The following SNTG1 variants were observed in gnomAD, a reference collection of about 807,000 sequenced individuals.
The protein encoded by SNTG1 is syntrophin gamma 1.
SNTG1 carries 39 observed loss-of-function variants against 74.7 expected under a neutral mutation model. The observed-to-expected ratio is 0.52, with a 90% CI of 0.40 to 0.68. SNTG1 has a LOEUF of 0.68. Among genes scored for constraint, SNTG1 ranks in the 30% least tolerant of loss-of-function variants. SNTG1 has a pLI of 0.00. For synonymous variants in SNTG1, 254 were observed against 217.1 expected, an observed-to-expected ratio of 1.17 and a Z score of -1.49; for missense variants, 685 against 609.5, an observed-to-expected ratio of 1.12 and a Z score of -1.30.
chr8:50,613,125 A>G (rs2094862579), intron 13 of SNTG1, among the ~76,000 whole-genome samples: 1 of 152,170 alleles, frequency 6.6e-6, no homozygotes, highest in Admixed American at 6.5e-5. Context: ...TAATAGAAAC[A>G]TTGCAAAGTT....
At chr8:49,959,093 T>G (rs576541817) in intron 1 of SNTG1, among the ~76,000 whole-genome samples, 12 of 152,320 alleles carry the variant, frequency 7.9e-5, no homozygotes, top group African/African-American at 2.9e-4. Context: ...TCTCAACTAC[T>G]CAAAATAAGT....
intron 4 of SNTG1, among the ~76,000 whole-genome samples, chr8:50,433,831 C>T (rs895916448): frequency 6.6e-6 from 1 of 152,132 alleles, no homozygotes; most frequent in African/African-American, 2.4e-5. Context: ...GGGCATAGTT[C>T]TCTTCAATAA....
At chr8:50,020,063 T>C (rs1816684115) in intron 1 of SNTG1, among the ~76,000 whole-genome samples, 1 of 152,148 alleles carries the variant, frequency 6.6e-6, no homozygotes, top group South Asian at 2.1e-4. Context: ...GAGCCTTTTG[T>C]GCCACTATAC....
At chr8:50,601,922 A>G (rs1049255195) in intron 13 of SNTG1, among the ~76,000 whole-genome samples, 1 of 152,094 alleles carries the variant, frequency 6.6e-6, no homozygotes, top group African/African-American at 2.4e-5. Context: ...TTTGTCTGGT[A>G]TAAGTATAGC....
Position 49,996,343 on chromosome 8 carries a change from T to TA in SNTG1, c.-103+84118dup, listed in dbSNP as rs558233434. Among the ~76,000 whole-genome samples the TA allele has an allele frequency of 5.3e-4, 80 of 151,556 alleles. 1 individual carries two copies. In the South Asian group the frequency reaches 8.7e-3, roughly 17 times the overall value. ...TTATTATTCAATAAGTGTATCAAGG[T>TA]AAAAAATTAAAGAAGAAACAGTAAG... On this transcript the variant is annotated intron_variant, in intron 1 of 18. Coordinates refer to ENST00000642720, the MANE Select transcript of SNTG1 (RefSeq NM_018967.5).
chr8:50,182,521 ATTTTAT>A (rs1275383096), intron 2 of SNTG1, among the ~76,000 whole-genome samples: 1 of 152,188 alleles, frequency 6.6e-6, no homozygotes, highest in African/African-American at 2.4e-5. Context: ...AATAAAATAT[ATTTTAT>A]GTTTATGAGT....
chr8:50,069,183 G>C (rs767359705), intron 1 of SNTG1, among the ~76,000 whole-genome samples: 2 of 152,176 alleles, frequency 1.3e-5, no homozygotes, highest in Non-Finnish European at 2.9e-5. Context: ...GGGAAATGAA[G>C]TTTGGGCTAC....
At chr8:50,421,640 C>A (rs906325838) in intron 4 of SNTG1, among the ~76,000 whole-genome samples, 4 of 152,086 alleles carry the variant, frequency 2.6e-5, no homozygotes, top group Admixed American at 1.3e-4. Context: ...TTTACCCAAC[C>A]CTTTTTCAAG....
At chr8:50,177,514 T>C (rs1164955312) in intron 2 of SNTG1, among the ~76,000 whole-genome samples, 2 of 152,136 alleles carry the variant, frequency 1.3e-5, no homozygotes, top group African/African-American at 4.8e-5. Flanking sequence ...AGCTGTACAG[T>C]GTCTGCTCCA....
intron 1 of SNTG1, among the ~76,000 whole-genome samples, chr8:50,141,451 A>C (rs762362858): frequency 6.6e-6 from 1 of 152,216 alleles, no homozygotes; most frequent in Admixed American, 6.5e-5. Context: ...AATGATTAAT[A>C]AACAAAAATT....
chr8:50,389,996 T>C (rs1343448443), intron 2 of SNTG1, among the ~76,000 whole-genome samples: 2 of 152,198 alleles, frequency 1.3e-5, no homozygotes, highest in Non-Finnish European at 2.9e-5. Context: ...CTTTGTCAGA[T>C]GAGTAGATTG....
intron 12 of SNTG1, among the ~76,000 whole-genome samples, chr8:50,588,248 G>A (rs1243887034): frequency 6.6e-6 from 1 of 152,066 alleles, no homozygotes; most frequent in African/African-American, 2.4e-5. Flanking sequence ...ACTTGGTACA[G>A]GAAAGATGGA....
At chr8:49,924,397 A>G (rs1043425686) in intron 1 of SNTG1, among the ~76,000 whole-genome samples, 1 of 152,242 alleles carries the variant, frequency 6.6e-6, no homozygotes, top group Non-Finnish European at 1.5e-5. Context: ...GCAAATACAG[A>G]TAATAACCCA....
chr8:50,610,648 T>G (rs1484048418), intron 13 of SNTG1, among the ~76,000 whole-genome samples: 1 of 152,168 alleles, frequency 6.6e-6, no homozygotes, highest in Non-Finnish European at 1.5e-5. Flanking sequence ...TCACTCCTAT[T>G]TGATTCCATG....
intron 13 of SNTG1, among the ~76,000 whole-genome samples, chr8:50,652,349 A>G (rs1043733720): frequency 1.3e-5 from 2 of 152,170 alleles, no homozygotes; most frequent in Non-Finnish European, 2.9e-5. Context: ...AGCAGATTGT[A>G]TTAATTGAAT....
intron 2 of SNTG1, among the ~76,000 whole-genome samples, chr8:50,249,857 A>G (rs1008933796): frequency 6.6e-6 from 1 of 152,198 alleles, no homozygotes; most frequent in African/African-American, 2.4e-5. Flanking sequence ...TAAATTGGAA[A>G]AAGAAATTGT....
chr8:50,779,189 C>G (rs2095650637), intron 18 of SNTG1, among the ~76,000 whole-genome samples: 1 of 152,096 alleles, frequency 6.6e-6, no homozygotes, highest in South Asian at 2.1e-4. Context: ...AATGCGAGCT[C>G]TTTTTTGGTT....
At chr8:50,217,294 C>T (rs1266152733) in intron 2 of SNTG1, among the ~76,000 whole-genome samples, 2 of 151,862 alleles carry the variant, frequency 1.3e-5, no homozygotes, top group Non-Finnish European at 2.9e-5. Flanking sequence ...ACCACCTTGG[C>T]CTATGATGAA....
chr8:49,969,051 T>A (rs1192017615), intron 1 of SNTG1, among the ~76,000 whole-genome samples: 1 of 152,168 alleles, frequency 6.6e-6, no homozygotes, highest in Non-Finnish European at 1.5e-5. Context: ...TGGGAATTAG[T>A]GTGTAAAATG....
Sources: allele counts gnomAD v4.1 joint callset (sites outside exome capture counted in the v4.1 genomes callset), GRCh38; gene constraint gnomAD v4.1.1; transcripts MANE v1.5; gene names NCBI Gene and HGNC (gene_info 2026-07-23, HGNC 2026-07-21).